The following EIF2AK3 variants were observed in gnomAD, a reference collection of about 807,000 sequenced individuals.
EIF2AK3 encodes the protein eukaryotic translation initiation factor 2 alpha kinase 3.
In EIF2AK3, 50 loss-of-function variants were observed where a neutral mutation model predicts 113.5. The ratio of observed to expected loss-of-function variants is 0.44; its 90% CI spans 0.35 to 0.56. The LOEUF is 0.56. Ranked by LOEUF, EIF2AK3 falls within the 20% of genes least tolerant of loss-of-function variation. The pLI, the probability that EIF2AK3 is intolerant of heterozygous loss-of-function variation, is 0.00. For missense variants in EIF2AK3, 1,185 were observed against 1,378.0 expected (o/e 0.86, Z 2.22); for synonymous variants, 448 against 495.4 (o/e 0.90, Z 1.27).
At position 88,588,191 on chromosome 2, in the gene EIF2AK3, A is replaced by C. The variant is rs982666905; in HGVS notation, c.1307-87T>G. On this transcript the variant is annotated intron_variant, in intron 7 of 16. Transcript: ENST00000303236. ...GAATAAAAATGCACGTGCTTAATTG[A>C]ATAAACTGATATTCAACCATAATTC... 16 of 866,080 alleles carry C rather than the reference A, an allele frequency of 1.8e-5. No homozygotes were observed. The South Asian group carries it at 3.3e-4, about 18-fold the overall frequency. The allele number at this position is 866,080 out of a possible 1,614,324, so 53.6% of individuals were successfully genotyped here. A position where few individuals can be genotyped will look rare whatever the true frequency, so the allele number is the denominator to read the frequency against.
intron 14 of EIF2AK3, among the ~76,000 whole-genome samples, chr2:88,566,784 C>T (rs1410307793): frequency 6.6e-6 from 1 of 151,868 alleles, no homozygotes; most frequent in East Asian, 1.9e-4. Context: ...CTCATCTCCA[C>T]AAAAAACAAA....
intron 1 of EIF2AK3, among the ~76,000 whole-genome samples, chr2:88,626,476 T>A (rs969701670): frequency 6.6e-5 from 10 of 152,218 alleles, no homozygotes; most frequent in African/African-American, 2.4e-4. Flanking sequence ...ATGCAGGTGT[T>A]CCGCAGATCT....
At position 88,559,510 on chromosome 2, in the gene EIF2AK3, CTGTGTGTGTGTG is replaced by C. The variant is rs141821640; in HGVS notation, c.3088-543_3088-532del. ...CAATCCCCTGTGGATACCAAGATGA[CTGTGTGTGTGTG>C]TGTGTGTGTGTGTGTGTGTGTATGT... On this transcript the variant is annotated intron_variant, in intron 15 of 16. Transcript: ENST00000303236. 3.3e-4 allele frequency among the ~76,000 whole-genome samples: 47 copies of C among 141,424 alleles called. No homozygotes were observed. The East Asian group carries it at 5.0e-3, about 15-fold the overall frequency. 92.8% of individuals were successfully genotyped at this position (141,424 alleles called of 152,430 possible).
In EIF2AK3 at chr2:88,557,691, G is replaced by A. The variant is rs1673816993; in HGVS notation, c.*45C>T. 2.5e-6 allele frequency: 4 copies of A among 1,593,024 alleles called. No homozygotes were observed. The African/African-American group carries it at 4.0e-5, about 16-fold the overall frequency. ...TGGACAGGCATATTCTAAGAAGTAG[G>A]CTATTATCTGCATCACCTATTAGGG... On this transcript the variant is annotated 3_prime_UTR_variant, in exon 17 of 17. Coordinates refer to ENST00000303236, the MANE Select transcript of EIF2AK3 (RefSeq NM_004836.7).
chr2:88,565,234 C>T (rs1674078231), intron 14 of EIF2AK3, among the ~76,000 whole-genome samples: 1 of 151,772 alleles, frequency 6.6e-6, no homozygotes, highest in African/African-American at 2.4e-5. Flanking sequence ...CGGGGTTTCA[C>T]CATGATGGCC....
chr2:88,562,718 T>G (rs1049459408), intron 14 of EIF2AK3, among the ~76,000 whole-genome samples: 1 of 152,072 alleles, frequency 6.6e-6, no homozygotes, highest in Non-Finnish European at 1.5e-5. Context: ...ACCCCTGAGG[T>G]GAGGTTTTTC....
Position 88,575,464 on chromosome 2 carries a change from A to T in EIF2AK3, c.2037-18T>A. ...AGTCTGTGCTAAAAGTGGGAGAAAT[A>T]CAAAGGGGTAAGAGTGAATATATAT... is the stretch of plus-strand genomic sequence containing the variant. On this transcript the variant is annotated intron_variant, in intron 12 of 16. Transcript: ENST00000303236. The T allele has an allele frequency of 6.2e-7, 1 of 1,602,230 alleles. No homozygotes were observed. Among genetic ancestry groups the T allele is most frequent in the Non-Finnish European group, 8.5e-7 (1 of 1,179,766 alleles).
intron 1 of EIF2AK3, among the ~76,000 whole-genome samples, chr2:88,626,389 A>G (rs1374718339): frequency 1.3e-5 from 2 of 152,212 alleles, no homozygotes; most frequent in African/African-American, 4.8e-5. Context: ...GCTCTTACCC[A>G]GGGAATGTCT....
intron 2 of EIF2AK3, among the ~76,000 whole-genome samples, chr2:88,607,513 A>G (rs2104460986): frequency 6.6e-6 from 1 of 152,318 alleles, no homozygotes; most frequent in African/African-American, 2.4e-5. Context: ...TCTTTTCAGG[A>G]GATAGTGGCA....
intron 13 of EIF2AK3, among the ~76,000 whole-genome samples, chr2:88,572,898 T>C (rs938435777): frequency 6.6e-6 from 1 of 152,008 alleles, no homozygotes; most frequent in Non-Finnish European, 1.5e-5. Context: ...GTCAGAACAG[T>C]GTATATCAAG....
At chr2:88,596,084 T>G (rs1308260450) in intron 2 of EIF2AK3, among the ~76,000 whole-genome samples, 1 of 152,202 alleles carries the variant, frequency 6.6e-6, no homozygotes, top group Non-Finnish European at 1.5e-5. Context: ...TATGAATATT[T>G]AATGTGTAAA....
chr2:88,607,492 T>C (rs1405599516), intron 2 of EIF2AK3, among the ~76,000 whole-genome samples: 1 of 152,226 alleles, frequency 6.6e-6, no homozygotes, highest in Non-Finnish European at 1.5e-5. Context: ...AGCTTGGTTA[T>C]GTATCCACAC....
At chr2:88,593,158 A>G (rs1348828213) in intron 4 of EIF2AK3, 114 bp downstream of exon 4, 4 of 1,248,562 alleles carry the variant, frequency 3.2e-6, no homozygotes, top group Non-Finnish European at 4.6e-6. Flanking sequence ...ATATATATAT[A>G]TATGCTTTTA....
intron 2 of EIF2AK3, among the ~76,000 whole-genome samples, chr2:88,602,940 T>C (rs2104454708): frequency 6.6e-6 from 1 of 152,040 alleles, no homozygotes; most frequent in Middle Eastern, 3.4e-3. Flanking sequence ...CACATTCTGC[T>C]ATATCCTGGA....
At chr2:88,583,705 G>GA (rs1366290508) in intron 9 of EIF2AK3, among the ~76,000 whole-genome samples, 163 bp from the exon 10 acceptor site, 1 of 152,146 alleles carries the variant, frequency 6.6e-6, no homozygotes, top group South Asian at 2.1e-4. Context: ...TATTATAAAA[G>GA]AAAAAAAGTT....
chr2:88,575,339 GA>G lies in EIF2AK3; in HGVS notation c.2143del (p.Ser715HisfsTer10). On this transcript the variant is annotated frameshift_variant, in exon 13 of 17. Coordinates refer to ENST00000303236, the MANE Select transcript of EIF2AK3 (RefSeq NM_004836.7). LOFTEE classifies it high-confidence loss of function. ...TKEHIEIIAP[S>X]PQRSRSFSVG... ...TGAAAAAGACCTGCTTCTTTGTGGT[GA>G]AGGAGCTATGATTTCAATATGTTCT... The G allele has an allele frequency of 6.2e-7, 1 of 1,614,164 alleles. No individual in the cohort carries two copies. Among genetic ancestry groups the G allele is most frequent in the East Asian group, 2.2e-5 (1 of 44,878 alleles).
intron 13 of EIF2AK3, 95 bp from the exon 14 acceptor site, chr2:88,571,136 C>T (rs1042003910): frequency 7.2e-7 from 1 of 1,382,454 alleles, no homozygotes; most frequent in Admixed American, 1.7e-5. Context: ...AAAAATACAA[C>T]AAACTAGATA....
intron 1 of EIF2AK3, among the ~76,000 whole-genome samples, chr2:88,615,199 C>T (rs943458071): frequency 6.6e-6 from 1 of 152,186 alleles, no homozygotes; most frequent in East Asian, 1.9e-4. Flanking sequence ...GTGAACTGTC[C>T]ACACTCCCAT....
chr2:88,588,934 T>G (rs1358511808), intron 6 of EIF2AK3, 33 bp from the exon 7 acceptor site: 1 of 1,609,698 alleles, frequency 6.2e-7, no homozygotes, highest in East Asian at 2.2e-5. Context: ...AATTATGCAT[T>G]GATTTTTTTA....
Sources: gnomAD v4.1 joint callset for allele counts (sites outside exome capture counted in the v4.1 genomes callset) on GRCh38, gnomAD v4.1.1 for gene constraint, MANE v1.5 for transcripts, NCBI Gene and HGNC (gene_info 2026-07-23, HGNC 2026-07-21) for gene names.